The following NOVA1 variants were observed in gnomAD, a reference collection of about 807,000 sequenced individuals.
NOVA1 encodes the protein NOVA alternative splicing regulator 1, also known as RNA-binding protein Nova-1.
A neutral mutation model predicts 38.0 loss-of-function variants in NOVA1; 7 were observed. The ratio of observed to expected loss-of-function variants is 0.18; its 90% confidence interval spans 0.10 to 0.35. The LOEUF (loss-of-function observed/expected upper bound fraction) is 0.35. Among genes scored for constraint, NOVA1 ranks in the 10% least tolerant of loss-of-function variants. The pLI, the probability that NOVA1 is intolerant of heterozygous loss-of-function variation, is 1.00. For synonymous variants in NOVA1, 270 were observed against 232.5 expected (o/e 1.16, Z -1.47); for missense variants, 460 against 616.0 (o/e 0.75, Z 2.68).
intron 2 of NOVA1, among the ~76,000 whole-genome samples, chr14:26,592,059 CTATGA>C (rs1279988088): frequency 6.6e-6 from 1 of 151,286 alleles, no homozygotes; most frequent in Non-Finnish European, 1.5e-5. Flanking sequence ...AATAAGTATA[CTATGA>C]TATGTTCTAA....
At chr14:26,510,448 A>C (rs1887982277) in intron 2 of NOVA1, among the ~76,000 whole-genome samples, 2 of 152,230 alleles carry the variant, frequency 1.3e-5, no homozygotes, top group South Asian at 2.1e-4. Flanking sequence ...ATAAAATAAA[A>C]GGGGAAGATT....
intron 2 of NOVA1, among the ~76,000 whole-genome samples, chr14:26,501,453 T>C (rs959969276): frequency 3.3e-5 from 5 of 152,002 alleles, no homozygotes; most frequent in Admixed American, 3.3e-4. Context: ...ATAGCTGGTA[T>C]ACAGACAAGC....
At chr14:26,518,620 T>C (rs183653088) in intron 2 of NOVA1, among the ~76,000 whole-genome samples, 231 of 152,224 alleles carry the variant, frequency 1.5e-3, no homozygotes, top group African/African-American at 5.2e-3. Context: ...ATTTAGCATA[T>C]CACTTCACAC....
intron 4 of NOVA1, among the ~76,000 whole-genome samples, chr14:26,451,693 T>G (rs1054381324): frequency 2.0e-5 from 3 of 152,170 alleles, no homozygotes; most frequent in African/African-American, 7.2e-5. Flanking sequence ...TAATATATAA[T>G]TTAAAATAGT....
chr14:26,522,433 T>C (rs1888966465), intron 2 of NOVA1, among the ~76,000 whole-genome samples: 1 of 152,184 alleles, frequency 6.6e-6, no homozygotes, highest in African/African-American at 2.4e-5. Flanking sequence ...AAAACTATTG[T>C]TAACATGACT....
intron 2 of NOVA1, among the ~76,000 whole-genome samples, chr14:26,589,132 A>G (rs186908666): frequency 3.3e-4 from 50 of 151,820 alleles, no homozygotes; most frequent in African/African-American, 1.2e-3. Context: ...TGCTTTACAA[A>G]GACTTCAAAT....
chr14:26,547,741 G>T (rs1890880203), intron 2 of NOVA1, among the ~76,000 whole-genome samples: 1 of 152,016 alleles, frequency 6.6e-6, no homozygotes, highest in Non-Finnish European at 1.5e-5. Context: ...AAGTGCCAAA[G>T]AATCAATTAT....
rs1412896706 is a variant in NOVA1 at position 26,447,773 on chromosome 14, A to T, written c.*186T>A. On this transcript the variant is annotated 3_prime_UTR_variant, in exon 5 of 5. Transcript: ENST00000539517. ...AGAGAACAAAACAGATCAAGAAAAAATTCTTTCTATGAAACATCTGGTAAA... is the reference window on the plus strand; with the variant it reads ...AGAGAACAAAACAGATCAAGAAAAATTTCTTTCTATGAAACATCTGGTAAA... The T allele has an allele frequency of 1.6e-6, 1 of 606,966 alleles. No individual in the cohort carries two copies. 37.6% of individuals were successfully genotyped at this position (606,966 alleles called of 1,614,324 possible).
At chr14:26,450,885 T>G (rs541458047) in intron 4 of NOVA1, among the ~76,000 whole-genome samples, 31 of 152,282 alleles carry the variant, frequency 2.0e-4, no homozygotes, top group Non-Finnish European at 3.8e-4. Context: ...AATGATAACC[T>G]TTTTGTAACA....
chr14:26,562,108 A>G (rs1469800512), intron 2 of NOVA1, among the ~76,000 whole-genome samples: 1 of 152,076 alleles, frequency 6.6e-6, no homozygotes, highest in Non-Finnish European at 1.5e-5. Flanking sequence ...GCCTTATTGG[A>G]AGTCATTTTT....
At chr14:26,477,442 T>C (rs1885074433) in intron 3 of NOVA1, among the ~76,000 whole-genome samples, 1 of 152,114 alleles carries the variant, frequency 6.6e-6, no homozygotes, top group Non-Finnish European at 1.5e-5. Context: ...GCCATTGTGC[T>C]AAATTTCATT....
chr14:26,526,616 A>G (rs2138528653), intron 2 of NOVA1, among the ~76,000 whole-genome samples: 1 of 152,288 alleles, frequency 6.6e-6, no homozygotes, highest in African/African-American at 2.4e-5. Flanking sequence ...CATATGAACC[A>G]TATCATCATT....
intron 2 of NOVA1, among the ~76,000 whole-genome samples, chr14:26,523,671 T>C (rs543353440): frequency 8.5e-5 from 13 of 152,250 alleles, no homozygotes; most frequent in Admixed American, 2.0e-4. Context: ...GGCAGAGAAA[T>C]TTGAATTGCA....
At chr14:26,560,096 A>T in intron 2 of NOVA1, among the ~76,000 whole-genome samples, 1 of 152,100 alleles carries the variant, frequency 6.6e-6, no homozygotes, top group Admixed American at 6.6e-5. Context: ...GACAGATCAC[A>T]CACCAAACTG....
At chr14:26,494,366 C>T (rs1886597214) in intron 2 of NOVA1, among the ~76,000 whole-genome samples, 1 of 152,132 alleles carries the variant, frequency 6.6e-6, no homozygotes, top group African/African-American at 2.4e-5. Context: ...GGCTATTTTC[C>T]TTGGTCCACT....
intron 4 of NOVA1, among the ~76,000 whole-genome samples, chr14:26,467,230 A>G (rs2138231747): frequency 1.3e-5 from 2 of 152,356 alleles, no homozygotes; most frequent in East Asian, 3.9e-4. Context: ...AAACGTGGGT[A>G]GTATCCTGGA....
chr14:26,522,726 C>T (rs549631758), intron 2 of NOVA1, among the ~76,000 whole-genome samples: 2 of 152,184 alleles, frequency 1.3e-5, no homozygotes, highest in South Asian at 4.1e-4. Context: ...ATTCACAGAA[C>T]TGACACTCTG....
At chr14:26,510,635 G>A (rs1888003967) in intron 2 of NOVA1, among the ~76,000 whole-genome samples, 2 of 152,056 alleles carry the variant, frequency 1.3e-5, no homozygotes, top group South Asian at 2.1e-4. Flanking sequence ...AAATCTAAAC[G>A]AAGAGTCATG....
intron 4 of NOVA1, among the ~76,000 whole-genome samples, chr14:26,455,091 T>A (rs1883050471): frequency 6.6e-6 from 1 of 152,180 alleles, no homozygotes; most frequent in Non-Finnish European, 1.5e-5. Flanking sequence ...AAAGCAGTTC[T>A]TCCAACTTCC....
Sources: allele counts gnomAD v4.1 joint callset (sites outside exome capture counted in the v4.1 genomes callset), GRCh38; gene constraint gnomAD v4.1.1; transcripts MANE v1.5; gene names NCBI Gene and HGNC (gene_info 2026-07-23, HGNC 2026-07-21).